C18orf63: variants seen among roughly 807,000 people sequenced by gnomAD.
C18orf63 encodes uncharacterized protein C18orf63.
A neutral mutation model predicts 75.3 loss-of-function variants in C18orf63; 50 were observed. The ratio of observed to expected loss-of-function variants is 0.66; its 90% CI spans 0.53 to 0.84. C18orf63 has a LOEUF of 0.84. Ranked by LOEUF, C18orf63 falls within the 40% of genes least tolerant of loss-of-function variation. The probability of loss-of-function intolerance (pLI) is 0.00; values close to 1 mark genes in which losing one functional copy is unlikely to be tolerated. For synonymous variants in C18orf63, 232 were observed against 267.6 expected (o/e 0.87, Z 1.30); for missense variants, 732 against 800.2 (o/e 0.91, Z 1.03).
intron 2 of C18orf63, among the ~76,000 whole-genome samples, chr18:74,319,316 T>C (rs1984079952): frequency 2.0e-5 from 3 of 150,758 alleles, no homozygotes; most frequent in South Asian, 2.1e-4. Context: ...TGTCAGGTAA[T>C]GGCAGGCCTT....
chr18:74,329,106 A>G, intron 6 of C18orf63, 70 bp downstream of exon 6: 1 of 1,023,814 alleles, frequency 9.8e-7, no homozygotes, highest in Non-Finnish European at 1.5e-6. Flanking sequence ...ACAGTATCAT[A>G]TGCTGGGCAC....
intron 13 of C18orf63, among the ~76,000 whole-genome samples, chr18:74,355,456 T>A (rs541898187): frequency 6.6e-5 from 10 of 151,596 alleles, no homozygotes; most frequent in African/African-American, 2.4e-4. Flanking sequence ...TTTCCCACTT[T>A]GAACTACTTA....
chr18:74,322,618 A>C lies in C18orf63; in HGVS notation c.214-80A>C, dbSNP rs1984142449. 3 of 439,158 alleles carry C rather than the reference A, an allele frequency of 6.8e-6. No homozygotes were observed. In the East Asian group the frequency reaches 1.1e-4, roughly 17 times the overall value. 27.2% of individuals were successfully genotyped at this position (439,158 alleles called of 1,614,324 possible). On this transcript the variant is annotated intron_variant, in intron 3 of 13. Transcript: ENST00000579455. ...CTGATTCTTTGCCCTCTGTAGAATA[A>C]TGCTTAAAATCTTTATTGCATTATT...
At position 74,353,276 on chromosome 18, in the gene C18orf63, A is replaced by G. The variant is rs760201266; in HGVS notation, c.1009A>G (p.Thr337Ala). 2.6e-6 allele frequency: 4 copies of G among 1,535,958 alleles called. No individual in the cohort carries two copies. In the South Asian group the frequency reaches 4.8e-5, roughly 18 times the overall value. ...EHKVKPPNLT[T>A]KKMLRASLTQ... ...CAAAGTCAAGCCACCCAATTTGACCACTAAAAAAATGCTTAGGGCATCTCT... is the reference window on the plus strand; with the variant it reads ...CAAAGTCAAGCCACCCAATTTGACCGCTAAAAAAATGCTTAGGGCATCTCT... Residue 337 changes from threonine to alanine, a missense_variant, in exon 12 of 14, where the codon ACT becomes GCT. Thr to Ala is a moderately conservative substitution (Grantham distance 58). This residue lies in a region of C18orf63 where 495 missense variants were observed against 508.7 expected (regional missense o/e 0.97). Transcript: ENST00000579455.
intron 2 of C18orf63, among the ~76,000 whole-genome samples, chr18:74,318,881 G>T (rs528149603): frequency 6.6e-6 from 1 of 152,108 alleles, no homozygotes; most frequent in Admixed American, 6.5e-5. Flanking sequence ...ATTGTTTGAG[G>T]CACTCAAAGG....
rs1984780332 is a variant in C18orf63 at position 74,357,101 on chromosome 18, G to A, written c.*654G>A. ...CTAAATTTCACTTTTGCTTTTATAT[G>A]CAAATTAACAGGAAGCCCTGAATAA... On this transcript the variant is annotated 3_prime_UTR_variant, in exon 14 of 14. Transcript: ENST00000579455. The A allele has an allele frequency of 6.6e-6, 1 of 152,126 alleles. No homozygotes were observed. Among genetic ancestry groups the A allele is most frequent in the South Asian group, 2.1e-4 (1 of 4,830 alleles). 9.4% of individuals were successfully genotyped at this position (152,126 alleles called of 1,614,324 possible). A position where few individuals can be genotyped will look rare whatever the true frequency, so the allele number is the denominator to read the frequency against.
chr18:74,320,085 A>G (rs1046971303), intron 2 of C18orf63, among the ~76,000 whole-genome samples: 5 of 152,204 alleles, frequency 3.3e-5, no homozygotes, highest in African/African-American at 9.7e-5. Flanking sequence ...AAATGTTCCA[A>G]TAGAGTAAAA....
At chr18:74,325,600 C>T (rs1431842040) in intron 4 of C18orf63, among the ~76,000 whole-genome samples, 1 of 152,144 alleles carries the variant, frequency 6.6e-6, no homozygotes, top group Non-Finnish European at 1.5e-5. Context: ...TCACTTGTAT[C>T]AGTTATTAAG....
chr18:74,337,004 C>G (rs1399538993), intron 7 of C18orf63, among the ~76,000 whole-genome samples: 1 of 152,026 alleles, frequency 6.6e-6, no homozygotes, highest in Non-Finnish European at 1.5e-5. Flanking sequence ...CCATATGGGC[C>G]TGTTTCCAGC....
chr18:74,338,613 C>T, intron 7 of C18orf63, 102 bp from the exon 8 acceptor site: 1 of 458,546 alleles, frequency 2.2e-6, no homozygotes, highest in Non-Finnish European at 3.7e-6. Flanking sequence ...TTTAAATCTA[C>T]TTTATAACCT....
At chr18:74,337,730 A>G (rs1412493212) in intron 7 of C18orf63, among the ~76,000 whole-genome samples, 5 of 152,128 alleles carry the variant, frequency 3.3e-5, no homozygotes, top group Admixed American at 1.3e-4. Flanking sequence ...CTCACAACGT[A>G]ACTAGCATAT....
chr18:74,346,071 ATTCT>A (rs958328821), intron 11 of C18orf63, among the ~76,000 whole-genome samples: 2 of 151,968 alleles, frequency 1.3e-5, no homozygotes, highest in Non-Finnish European at 2.9e-5. Context: ...TTAAATATAT[ATTCT>A]TTAATTTATC....
At chr18:74,329,102 T>C (rs1029497352) in intron 6 of C18orf63, 66 bp downstream of exon 6, 5 of 1,062,170 alleles carry the variant, frequency 4.7e-6, no homozygotes, top group African/African-American at 3.1e-5. Flanking sequence ...GAAAACAGTA[T>C]CATATGCTGG....
chr18:74,316,703 A>G (rs1474805115), intron 1 of C18orf63, among the ~76,000 whole-genome samples: 1 of 152,196 alleles, frequency 6.6e-6, no homozygotes, highest in Non-Finnish European at 1.5e-5. Context: ...ACAGGATGTT[A>G]ATAGCGCATC....
chr18:74,321,150 C>G (rs974297649), intron 3 of C18orf63, among the ~76,000 whole-genome samples: 30 of 152,114 alleles, frequency 2.0e-4, no homozygotes, highest in Non-Finnish European at 7.4e-5. Context: ...CCTGGAAATT[C>G]TGTTTTTCTG....
chr18:74,335,580 AC>A (rs1984378041), intron 7 of C18orf63, among the ~76,000 whole-genome samples: 1 of 152,122 alleles, frequency 6.6e-6, no homozygotes, highest in African/African-American at 2.4e-5. Flanking sequence ...AATTGAATCC[AC>A]AGTTACATGA....
At chr18:74,325,031 A>T (rs943101832) in intron 4 of C18orf63, among the ~76,000 whole-genome samples, 5 of 152,176 alleles carry the variant, frequency 3.3e-5, no homozygotes, top group African/African-American at 1.2e-4. Context: ...GTAACATGTC[A>T]AGCACTCTAC....
Position 74,328,020 on chromosome 18 carries a change from C to T in C18orf63, c.344C>T (p.Ala115Val). The change falls in exon 5 of 14, where the codon GCT becomes GTT. Residue 115 changes from alanine (A) to valine (V), a missense_variant. Physicochemically the swap from Ala to Val is moderately conservative, Grantham distance 64. Coordinates refer to ENST00000579455, the MANE Select transcript of C18orf63 (RefSeq NM_001174123.2). ...CLSYSFMARL[A>V]PAWNRTGHLL... Reference sequence around the variant, plus strand: ...TCATATTCATTCATGGCTAGACTTGCTCCAGCCTGGAATAGAACTGGTCAT... The same window carrying T: ...TCATATTCATTCATGGCTAGACTTGTTCCAGCCTGGAATAGAACTGGTCAT... The T allele has an allele frequency of 1.3e-6, 2 of 1,534,524 alleles. No individual in the cohort carries two copies. Among genetic ancestry groups the T allele is most frequent in the Non-Finnish European group, 1.7e-6 (2 of 1,145,480 alleles).
chr18:74,337,564 T>G (rs1475063495), intron 7 of C18orf63, among the ~76,000 whole-genome samples: 1 of 152,152 alleles, frequency 6.6e-6, no homozygotes, highest in Non-Finnish European at 1.5e-5. Flanking sequence ...AACCAGTCTT[T>G]TCTGACATTC....
Sources: gnomAD v4.1 joint callset for allele counts (sites outside exome capture counted in the v4.1 genomes callset) on GRCh38, gnomAD v4.1.1 for gene constraint, gnomAD v4.1.1 regional missense constraint, MANE v1.5 for transcripts, NCBI Gene and HGNC (gene_info 2026-07-23, HGNC 2026-07-21) for gene names.